Variants in ARHGAP42 observed in about 807,000 individuals in gnomAD.
ARHGAP42 encodes rho GTPase-activating protein 42.
Under a neutral mutation model 125.0 loss-of-function variants are expected in ARHGAP42, and 63 were observed. That is an observed-to-expected ratio of 0.50 (90% CI 0.41 to 0.62). The LOEUF (loss-of-function observed/expected upper bound fraction) is 0.62, where lower values mean the gene tolerates loss of function less well. Ranked by LOEUF, ARHGAP42 falls within the 20% of genes least tolerant of loss-of-function variation. The pLI, the probability that ARHGAP42 is intolerant of heterozygous loss-of-function variation, is 0.00. For synonymous variants in ARHGAP42, 339 were observed against 351.0 expected, an observed-to-expected ratio of 0.97 and a Z score of 0.38; for missense variants, 766 against 1,024.2, an observed-to-expected ratio of 0.75 and a Z score of 3.44.
chr11:100,792,962 G>A (rs1591185063), intron 2 of ARHGAP42, among the ~76,000 whole-genome samples: 1 of 151,998 alleles, frequency 6.6e-6, no homozygotes, highest in African/African-American at 2.4e-5. Context: ...CATCGTGTTA[G>A]CCAGGATGGT....
At chr11:100,813,183 A>C (rs1864187925) in intron 3 of ARHGAP42, among the ~76,000 whole-genome samples, 1 of 151,980 alleles carries the variant, frequency 6.6e-6, no homozygotes, top group Admixed American at 6.6e-5. Flanking sequence ...CCACCTCAGC[A>C]CTGTTGATAT....
intron 4 of ARHGAP42, among the ~76,000 whole-genome samples, chr11:100,872,567 G>T (rs766955987): frequency 1.3e-5 from 2 of 151,746 alleles, no homozygotes; most frequent in African/African-American, 4.8e-5. Flanking sequence ...TGGTTTTTGT[G>T]TTTTTAGTAG....
intron 22 of ARHGAP42, among the ~76,000 whole-genome samples, chr11:100,980,362 T>C (rs1320752044): frequency 6.6e-6 from 1 of 151,994 alleles, no homozygotes; most frequent in African/African-American, 2.4e-5. Flanking sequence ...GTTGAATTGC[T>C]CACTAGATGG....
rs1858387316 is a variant in ARHGAP42, at chr11:100,976,264, C to G, written c.2063C>G (p.Ser688Cys). Residue 688 changes from serine to cysteine, a missense_variant, in exon 20 of 24, where the codon TCC becomes TGC. Physicochemically the swap from Ser to Cys is moderately radical, Grantham distance 112. Coordinates refer to ENST00000298815, the MANE Select transcript of ARHGAP42 (RefSeq NM_152432.4). ...TGGACAACTAGTCCTGAATCAAGTTCCAGAGAAGATGCAACCAAGACAGAT... is the reference window on the plus strand; with the variant it reads ...TGGACAACTAGTCCTGAATCAAGTTGCAGAGAAGATGCAACCAAGACAGAT... ...GLWTTSPESS[S>C]REDATKTDAE... 3 of 1,551,494 alleles carry G rather than the reference C, an allele frequency of 1.9e-6. No individual in the cohort carries two copies. The highest frequency in any genetic ancestry group is 2.6e-6 in the Non-Finnish European group (3 of 1,146,916).
chr11:100,725,712 C>A (rs1278180227), intron 1 of ARHGAP42, among the ~76,000 whole-genome samples: 2 of 151,652 alleles, frequency 1.3e-5, no homozygotes, highest in Non-Finnish European at 1.5e-5. Flanking sequence ...CCGATGTGGG[C>A]GGATCACGAA....
At chr11:100,725,947 A>G (rs1180099081) in intron 1 of ARHGAP42, among the ~76,000 whole-genome samples, 1 of 151,250 alleles carries the variant, frequency 6.6e-6, no homozygotes, top group East Asian at 2.0e-4. Context: ...AAAAAAAAAA[A>G]AAAAGCCAGG....
intron 17 of ARHGAP42, among the ~76,000 whole-genome samples, chr11:100,967,716 AC>A (rs1858131144): frequency 6.6e-6 from 1 of 151,710 alleles, no homozygotes; most frequent in African/African-American, 2.4e-5. Context: ...TGTTAGACTG[AC>A]CCTTTTCTTT....
chr11:100,858,371 G>C (rs1865373354), intron 3 of ARHGAP42, among the ~76,000 whole-genome samples: 1 of 151,960 alleles, frequency 6.6e-6, no homozygotes. Context: ...TCACAGCATA[G>C]GATTTTGGTC....
chr11:100,775,700 G>A (rs1248381102), intron 2 of ARHGAP42, among the ~76,000 whole-genome samples: 1 of 152,158 alleles, frequency 6.6e-6, no homozygotes, highest in Non-Finnish European at 1.5e-5. Context: ...TTAGTGTATA[G>A]GATAATAAAA....
intron 1 of ARHGAP42, among the ~76,000 whole-genome samples, chr11:100,704,210 G>A (rs1861442508): frequency 6.6e-6 from 1 of 152,046 alleles, no homozygotes; most frequent in African/African-American, 2.4e-5. Context: ...ATATGTGGAT[G>A]GTGCCCTAAA....
At chr11:100,833,113 A>T (rs1864700611) in intron 3 of ARHGAP42, among the ~76,000 whole-genome samples, 2 of 152,074 alleles carry the variant, frequency 1.3e-5, no homozygotes, top group African/African-American at 4.8e-5. Context: ...GGTCATTTTG[A>T]CTCCTGATGT....
intron 2 of ARHGAP42, among the ~76,000 whole-genome samples, chr11:100,781,414 G>A (rs1390583203): frequency 6.6e-6 from 1 of 152,082 alleles, no homozygotes; most frequent in Non-Finnish European, 1.5e-5. Flanking sequence ...TAATGCTGAT[G>A]TTTTCCTTCA....
At chr11:100,804,551 T>TG in intron 3 of ARHGAP42, among the ~76,000 whole-genome samples, 1 of 151,520 alleles carries the variant, frequency 6.6e-6, no homozygotes, top group East Asian at 1.9e-4. Context: ...TTTTAAATTT[T>TG]TTTTTTTTTT....
At chr11:100,843,432 A>G (rs567295588) in intron 3 of ARHGAP42, among the ~76,000 whole-genome samples, 5 of 152,254 alleles carry the variant, frequency 3.3e-5, no homozygotes, top group Non-Finnish European at 7.4e-5. Context: ...TCTTCAGTAT[A>G]GTACTGGAAG....
Position 100,982,382 on chromosome 11 carries a change from C to T in ARHGAP42, c.2456+3333C>T, listed in dbSNP as rs141538670. Among the ~76,000 whole-genome samples the T allele has an allele frequency of 3.3e-5, 5 of 152,270 alleles. No individual in the cohort carries two copies. In the East Asian group the frequency reaches 7.7e-4, roughly 24 times the overall value. On this transcript the variant is annotated intron_variant, in intron 22 of 23. Transcript: ENST00000298815. ...TAAACCACAATGTCCAAGACTGAGG[C>T]CTCGGGAAGCTGCATTTTTGTCACC...
Position 100,988,827 on chromosome 11 carries a change from TCATGGTATC to T in ARHGAP42, c.*34_*42del. 1 of 1,474,796 alleles carries T rather than the reference TCATGGTATC, an allele frequency of 6.8e-7. No homozygotes were observed. The highest frequency in any genetic ancestry group is 1.2e-5 in the South Asian group (1 of 81,668). The allele number at this position is 1,474,796 out of a possible 1,614,324, so 91.4% of individuals were successfully genotyped here. ...TACTATTTAGTGGATGGCAGTATCT[TCATGGTATC>T]CATGGTAACGAATAAATGCTATGAT... On this transcript the variant is annotated 3_prime_UTR_variant, in exon 24 of 24. Coordinates refer to ENST00000298815, the MANE Select transcript of ARHGAP42 (RefSeq NM_152432.4).
At chr11:100,809,114 C>T (rs901095112) in intron 3 of ARHGAP42, among the ~76,000 whole-genome samples, 2 of 152,134 alleles carry the variant, frequency 1.3e-5, no homozygotes, top group African/African-American at 2.4e-5. Context: ...TTTATCTTTG[C>T]CTCTCATTTG....
chr11:100,767,514 T>G (rs1203579722), intron 1 of ARHGAP42, among the ~76,000 whole-genome samples: 1 of 152,130 alleles, frequency 6.6e-6, no homozygotes, highest in African/African-American at 2.4e-5. Context: ...CAGATTACCT[T>G]TTTCAGTCAG....
At chr11:100,842,139 C>T (rs1171292305) in intron 3 of ARHGAP42, among the ~76,000 whole-genome samples, 3 of 152,124 alleles carry the variant, frequency 2.0e-5, no homozygotes, top group Non-Finnish European at 4.4e-5. Flanking sequence ...ATTTTAAGTT[C>T]TCACCCGAAA....
Sources: gnomAD v4.1 joint callset for allele counts (sites outside exome capture counted in the v4.1 genomes callset) on GRCh38, gnomAD v4.1.1 for gene constraint, MANE v1.5 for transcripts, NCBI Gene and HGNC (gene_info 2026-07-23, HGNC 2026-07-21) for gene names.